Variants in ROBO2 observed in about 807,000 individuals in gnomAD.
ROBO2 encodes the protein roundabout homolog 2.
ROBO2 carries 53 observed loss-of-function variants against 160.8 expected under a neutral mutation model. The observed-to-expected ratio is 0.33, with a 90% CI of 0.26 to 0.41. The LOEUF (loss-of-function observed/expected upper bound fraction) is 0.41, where lower values mean the gene tolerates loss of function less well. Among genes scored for constraint, ROBO2 ranks in the 10% least tolerant of loss-of-function variants. The pLI is 1.00. For missense variants in ROBO2, 1,577 were observed against 1,722.4 expected (o/e 0.92, Z 1.49); for synonymous variants, 664 against 611.7 (o/e 1.09, Z -1.26).
At chr3:77,048,726 T>G (rs1221484797) in intron 1 of ROBO2, among the ~76,000 whole-genome samples, 4 of 152,220 alleles carry the variant, frequency 2.6e-5, no homozygotes, top group Non-Finnish European at 5.9e-5. Flanking sequence ...ATCTAATAAC[T>G]TTTTATAATT....
chr3:76,067,283 A>G (rs1364324992), intron 2 of ROBO2, among the ~76,000 whole-genome samples: 1 of 152,224 alleles, frequency 6.6e-6, no homozygotes, highest in Non-Finnish European at 1.5e-5. Flanking sequence ...TAATTATTGT[A>G]TATCAAGATC....
chr3:76,786,693 G>A (rs1201999515), intron 2 of ROBO2, among the ~76,000 whole-genome samples: 4 of 150,860 alleles, frequency 2.7e-5, no homozygotes, highest in East Asian at 2.0e-4. Flanking sequence ...CTTAGGCAAC[G>A]AGTAAGCAAA....
At chr3:77,472,212 A>G (rs865799763) in intron 2 of ROBO2, among the ~76,000 whole-genome samples, 1 of 152,168 alleles carries the variant, frequency 6.6e-6, no homozygotes, top group South Asian at 2.1e-4. Flanking sequence ...CATCGAAGGT[A>G]AATCGCCAGG....
intron 2 of ROBO2, among the ~76,000 whole-genome samples, chr3:77,344,489 G>T (rs1454608965): frequency 6.6e-6 from 1 of 152,048 alleles, no homozygotes; most frequent in Non-Finnish European, 1.5e-5. Context: ...GCCCAAGAAA[G>T]CTCTCTAGTC....
intron 2 of ROBO2, among the ~76,000 whole-genome samples, chr3:77,318,488 G>A (rs545958245): frequency 4.5e-4 from 68 of 152,146 alleles, no homozygotes; most frequent in Non-Finnish European, 8.2e-4. Flanking sequence ...AAGTATTTCT[G>A]TTATTTATAT....
At chr3:77,442,259 C>T (rs926345263) in intron 2 of ROBO2, among the ~76,000 whole-genome samples, 3 of 151,832 alleles carry the variant, frequency 2.0e-5, no homozygotes, top group African/African-American at 7.3e-5. Context: ...TTGCAGTGAG[C>T]TGAGATCGCG....
intron 2 of ROBO2, among the ~76,000 whole-genome samples, chr3:77,328,433 G>A (rs2065655161): frequency 6.6e-6 from 1 of 152,190 alleles, no homozygotes; most frequent in Non-Finnish European, 1.5e-5. Context: ...AGAGTTCCTA[G>A]CAAGCCAGAA....
At chr3:76,967,601 A>G (rs2059371075) in intron 2 of ROBO2, among the ~76,000 whole-genome samples, 1 of 144,076 alleles carries the variant, frequency 6.9e-6, no homozygotes, top group African/African-American at 2.6e-5. Context: ...AGCTCACTGC[A>G]GCCTTGAACT....
chr3:76,157,075 T>C (rs76489834), intron 2 of ROBO2, among the ~76,000 whole-genome samples: 3,009 of 152,296 alleles, frequency 0.02, 119 homozygotes, highest in African/African-American at 0.068. Context: ...ACAGAGAGAA[T>C]TGATATCCTC....
chr3:76,826,053 GTTT>G (rs200322872), intron 2 of ROBO2, among the ~76,000 whole-genome samples: 1 of 142,272 alleles, frequency 7.0e-6, no homozygotes, highest in Admixed American at 7.1e-5. Flanking sequence ...GAGTTTGTGG[GTTT>G]TTTTTTTTTT....
intron 2 of ROBO2, among the ~76,000 whole-genome samples, chr3:76,887,193 C>CCT: frequency 8.3e-6 from 1 of 120,444 alleles, no homozygotes; most frequent in Non-Finnish European, 1.6e-5. Context: ...CTTCAGGAAG[C>CCT]ATTTTTTTTT....
At chr3:76,385,481 A>G (rs1349388024) in intron 2 of ROBO2, among the ~76,000 whole-genome samples, 1 of 152,082 alleles carries the variant, frequency 6.6e-6, no homozygotes, top group Non-Finnish European at 1.5e-5. Flanking sequence ...TATCTACCTG[A>G]CTCTAGGAAA....
intron 2 of ROBO2, among the ~76,000 whole-genome samples, chr3:76,886,712 C>T (rs1399863384): frequency 2.6e-5 from 4 of 151,810 alleles, no homozygotes; most frequent in Non-Finnish European, 5.9e-5. Flanking sequence ...ATCAGGAGAG[C>T]ACAGTTGCAT....
chr3:77,544,621 G>A (rs866971553), intron 6 of ROBO2, among the ~76,000 whole-genome samples: 7 of 152,022 alleles, frequency 4.6e-5, no homozygotes, highest in Non-Finnish European at 8.8e-5. Context: ...CGTGTTTGGG[G>A]CTGATCTACG....
intron 1 of ROBO2, among the ~76,000 whole-genome samples, chr3:77,051,333 C>A (rs1035095534): frequency 6.6e-6 from 1 of 152,134 alleles, no homozygotes; most frequent in African/African-American, 2.4e-5. Flanking sequence ...ACCCCCTTGC[C>A]TCCCACCTCC....
At chr3:76,467,490 A>G (rs1408345252) in intron 2 of ROBO2, among the ~76,000 whole-genome samples, 1 of 152,066 alleles carries the variant, frequency 6.6e-6, no homozygotes, top group Non-Finnish European at 1.5e-5. Context: ...TATATTCCCA[A>G]TTCTCCCTTG....
At chr3:76,171,078 T>C (rs550836096) in intron 2 of ROBO2, among the ~76,000 whole-genome samples, 5 of 152,288 alleles carry the variant, frequency 3.3e-5, no homozygotes, top group South Asian at 4.1e-4. Context: ...CAAACTTAAT[T>C]CATGCCATAG....
At chr3:76,474,887 G>T (rs746969378) in intron 2 of ROBO2, among the ~76,000 whole-genome samples, 2 of 152,014 alleles carry the variant, frequency 1.3e-5, no homozygotes, top group African/African-American at 2.4e-5. Context: ...TGCTGCTCTC[G>T]TCTTCCTCTT....
chr3:76,841,700 G>GA (rs1227271413), intron 2 of ROBO2, among the ~76,000 whole-genome samples: 5 of 152,092 alleles, frequency 3.3e-5, no homozygotes, highest in East Asian at 1.9e-4. Flanking sequence ...CCACCTAATT[G>GA]AAAAAATATG....
Sources: gnomAD v4.1 joint callset for allele counts (sites outside exome capture counted in the v4.1 genomes callset) on GRCh38, gnomAD v4.1.1 for gene constraint, MANE v1.5 for transcripts, NCBI Gene and HGNC (gene_info 2026-07-23, HGNC 2026-07-21) for gene names.